EFTUD2: variants seen among roughly 807,000 people sequenced by gnomAD.
EFTUD2 encodes the protein elongation factor Tu GTP binding domain containing 2.
In EFTUD2, 9 loss-of-function variants were observed where a neutral mutation model predicts 114.3. The ratio of observed to expected loss-of-function variants is 0.08; its 90% CI spans 0.05 to 0.14. The LOEUF is 0.14. Ranked by LOEUF, EFTUD2 falls within the 10% of genes least tolerant of loss-of-function variation. The pLI is 1.00. For missense variants in EFTUD2, 765 were observed against 1,241.2 expected (o/e 0.62, Z 5.76); for synonymous variants, 449 against 462.3 (o/e 0.97, Z 0.37).
chr17:44,898,837 G>A (rs8080642), intron 1 of EFTUD2: 19,165 of 152,156 alleles, frequency 0.13, 1,391 homozygotes, highest in Non-Finnish European at 0.17. Flanking sequence ...CAAAGACTTT[G>A]TTCACTTAGT....
intron 1 of EFTUD2, among the ~76,000 whole-genome samples, chr17:44,898,235 G>T (rs1025549849): frequency 1.3e-5 from 2 of 151,986 alleles, no homozygotes; most frequent in African/African-American, 2.4e-5. Context: ...TATATTTTTT[G>T]AGACAGAGTT....
intron 17 of EFTUD2, 67 bp downstream of exon 17, chr17:44,860,365 G>T: frequency 1.8e-6 from 2 of 1,105,134 alleles, no homozygotes; most frequent in South Asian, 1.3e-5. Flanking sequence ...AGTCCCGTTT[G>T]TGCTCATGTG....
rs763705130 is a variant in EFTUD2, at chr17:44,863,640, G to A, written c.1413+15C>T. 4.4e-6 allele frequency: 7 copies of A among 1,608,620 alleles called. No individual in the cohort carries two copies. Among genetic ancestry groups the A allele is most frequent in the Non-Finnish European group, 5.9e-6 (7 of 1,176,724 alleles). ...GAAAAAAAGACCAGAGAACCGGGGA[G>A]CCACATGCCCTTACATCAGGGTCAC... On this transcript the variant is annotated intron_variant, in intron 15 of 27. Coordinates refer to ENST00000426333, the MANE Select transcript of EFTUD2 (RefSeq NM_004247.4).
chr17:44,888,018 G>A (rs2051206248), intron 2 of EFTUD2, among the ~76,000 whole-genome samples: 2 of 152,208 alleles, frequency 1.3e-5, no homozygotes, highest in South Asian at 4.1e-4. Flanking sequence ...CAAGGAAAAA[G>A]AGGTGCTACT....
rs1206755909 is a variant in EFTUD2, at chr17:44,886,600, T to C, written c.256A>G (p.Thr86Ala). ...EVETIVQEED[T>A]QPLTEPIIKP... Reference sequence around the variant, plus strand: ...CCTGATGTACCTGTGAGAGGCTGAGTGTCTTCCTCTTGAACTATGGTCTCC... The same window carrying C: ...CCTGATGTACCTGTGAGAGGCTGAGCGTCTTCCTCTTGAACTATGGTCTCC... The change falls in exon 3 of 28, where the codon ACT becomes GCT. Residue 86 changes from threonine to alanine, a missense_variant. Transcript: ENST00000426333. 5.0e-6 allele frequency: 8 copies of C among 1,614,142 alleles called. No individual in the cohort carries two copies. Among genetic ancestry groups the C allele is most frequent in the Non-Finnish European group, 6.8e-6 (8 of 1,180,014 alleles).
chr17:44,881,856 T>C, intron 6 of EFTUD2, 134 bp from the exon 7 acceptor site: 1 of 774,812 alleles, frequency 1.3e-6, no homozygotes, highest in Non-Finnish European at 2.2e-6. Flanking sequence ...GAGCAGGGTG[T>C]CCCCACAGCA....
At chr17:44,888,105 G>A (rs1419770564) in intron 2 of EFTUD2, among the ~76,000 whole-genome samples, 3 of 152,220 alleles carry the variant, frequency 2.0e-5, no homozygotes, top group Non-Finnish European at 2.9e-5. Flanking sequence ...TGGTGAAACA[G>A]CGAATGCAAA....
chr17:44,865,852 C>T (rs192496345), intron 13 of EFTUD2, among the ~76,000 whole-genome samples: 5 of 152,272 alleles, frequency 3.3e-5, no homozygotes, highest in African/African-American at 9.6e-5. Flanking sequence ...CACTCTGTCA[C>T]CCAGCCTGGA....
At chr17:44,886,223 GA>G (rs1271366050) in intron 3 of EFTUD2, among the ~76,000 whole-genome samples, 1 of 152,122 alleles carries the variant, frequency 6.6e-6, no homozygotes, top group Non-Finnish European at 1.5e-5. Context: ...GACAGAGCAA[GA>G]CTTCGTCTCA....
At chr17:44,886,097 C>T (rs1278288616) in intron 3 of EFTUD2, among the ~76,000 whole-genome samples, 1 of 152,118 alleles carries the variant, frequency 6.6e-6, no homozygotes, top group Non-Finnish European at 1.5e-5. Context: ...ATTAGCCAGG[C>T]ATGGTGGCAG....
At chr17:44,855,944 T>A (rs2145442500) in intron 20 of EFTUD2, among the ~76,000 whole-genome samples, 1 of 146,978 alleles carries the variant, frequency 6.8e-6, no homozygotes, top group Admixed American at 6.7e-5. Flanking sequence ...AGAGTGAGAC[T>A]CTATGTCTCA....
In EFTUD2 at chr17:44,854,338, C is replaced by A; in HGVS notation, c.2278G>T (p.Gly760Cys). The A allele has an allele frequency of 6.2e-7, 1 of 1,613,916 alleles. No homozygotes were observed. Among genetic ancestry groups the A allele is most frequent in the Non-Finnish European group, 8.5e-7 (1 of 1,179,946 alleles). ...TGAACGATGCTGTCCTTCACTGAAC[C>A]AAGAAGAGCCTTGTCCACCTATAGA... ...LPSEVDKALL[G>C]SVKDSIVQGF... Residue 760 changes from glycine (G) to cysteine (C), a missense_variant, in exon 23 of 28, where the codon GGT (glycine) becomes TGT (cysteine). This residue lies in a region of EFTUD2 where 166 missense variants were observed against 401.5 expected (regional missense o/e 0.41). Transcript: ENST00000426333. This position sits in a 1 kb window ranked among gnomAD's most constrained non-coding sequence, Gnocchi z 4.3.
chr17:44,871,268 G>A (rs2050849374), intron 11 of EFTUD2, among the ~76,000 whole-genome samples: 1 of 151,882 alleles, frequency 6.6e-6, no homozygotes, highest in South Asian at 2.1e-4. Context: ...CAAGTGATCC[G>A]CCTGCCTCAG....
intron 23 of EFTUD2, 119 bp from the exon 24 acceptor site, chr17:44,853,754 A>G: frequency 1.3e-6 from 2 of 1,526,094 alleles, no homozygotes; most frequent in Non-Finnish European, 1.8e-6. Context: ...GACATGGTAC[A>G]GAAATCAAAT....
chr17:44,878,212 A>AATC (rs2051003925), intron 9 of EFTUD2, among the ~76,000 whole-genome samples: 1 of 152,238 alleles, frequency 6.6e-6, no homozygotes, highest in Non-Finnish European at 1.5e-5. Flanking sequence ...ACAAGCCAAG[A>AATC]ATCATCAATA....
At chr17:44,893,255 TG>T (rs1268621408) in intron 2 of EFTUD2, among the ~76,000 whole-genome samples, 1 of 152,058 alleles carries the variant, frequency 6.6e-6, no homozygotes, top group Non-Finnish European at 1.5e-5. Context: ...TCCAAGCAGC[TG>T]GGACTACAGG....
intron 1 of EFTUD2, among the ~76,000 whole-genome samples, chr17:44,894,952 ACT>A (rs553623460): frequency 7.9e-5 from 12 of 152,378 alleles, no homozygotes; most frequent in African/African-American, 2.6e-4. Flanking sequence ...CAAATAACTT[ACT>A]TTTTCCTAAA....
rs1178588054 is a variant in EFTUD2 at position 44,872,599 on chromosome 17, G to A, written c.870-29C>T. Reference sequence around the variant, plus strand: ...AAACAGAGACAGTGGTGAACACAGTGCCAGGCTGCAGCAGCCCGGACGCAC... The same window carrying A: ...AAACAGAGACAGTGGTGAACACAGTACCAGGCTGCAGCAGCCCGGACGCAC... On this transcript the variant is annotated intron_variant, in intron 10 of 27. Transcript: ENST00000426333. 7 of 1,579,686 alleles carry A rather than the reference G, an allele frequency of 4.4e-6. No homozygotes were observed. The South Asian group carries it at 8.1e-5, about 18-fold the overall frequency.
chr17:44,885,799 G>T (rs1171841064), intron 3 of EFTUD2, among the ~76,000 whole-genome samples: 2 of 152,024 alleles, frequency 1.3e-5, no homozygotes, highest in Non-Finnish European at 2.9e-5. Flanking sequence ...GCTAATTTTT[G>T]TACTTTTTTT....
Sources: gnomAD v4.1 joint callset for allele counts (sites outside exome capture counted in the v4.1 genomes callset) on GRCh38, gnomAD v4.1.1 for gene constraint, gnomAD v4.1.1 regional missense constraint, Gnocchi (gnomAD v3.1) non-coding constraint, MANE v1.5 for transcripts, NCBI Gene and HGNC (gene_info 2026-07-23, HGNC 2026-07-21) for gene names.